The following JMJD7 variants were observed in gnomAD, a reference collection of about 807,000 sequenced individuals.
The protein encoded by JMJD7 is jumonji domain containing 7.
JMJD7 carries 41 observed loss-of-function variants against 41.1 expected under a neutral mutation model. That is an observed-to-expected ratio of 1.00 (90% CI 0.78 to 1.30). JMJD7 has a LOEUF of 1.30. JMJD7 is among the 50% of genes most tolerant of loss of function. JMJD7 has a pLI of 0.00. For missense variants in JMJD7, 480 were observed against 420.7 expected (o/e 1.14, Z -1.23); for synonymous variants, 202 against 177.2 (o/e 1.14, Z -1.11).
Position 41,834,885 on chromosome 15 carries a change from C to G in JMJD7, c.210C>G (p.Pro70=), listed in dbSNP as rs755836769. Residue 70 remains proline, a synonymous_variant, in exon 2 of 8, where the codon CCC becomes CCG. Transcript: ENST00000397299. Reference sequence around the variant, plus strand: ...CGGCCCTCCAGAAGTGGTCCCTCCCCTATTTCAGGTGGGAGCTGCCCTGGG... The same window carrying G: ...CGGCCCTCCAGAAGTGGTCCCTCCCGTATTTCAGGTGGGAGCTGCCCTGGG... ...HWPALQKWSL[P]YFRATVGSTE... is the part of the protein sequence containing the mutation. The G allele has an allele frequency of 1.2e-6, 2 of 1,613,940 alleles. No homozygotes were observed. The highest frequency in any genetic ancestry group is 8.5e-7 in the Non-Finnish European group (1 of 1,179,842).
rs1316065619 is a variant in JMJD7, at chr15:41,835,220, C to G, written c.469C>G (p.Leu157Val). The change falls in exon 3 of 8, where the codon CTG becomes GTG. Residue 157 changes from leucine to valine, a missense_variant. By Grantham distance (32) the Leu-to-Val change is conservative (BLOSUM62 1). Coordinates refer to ENST00000397299, the MANE Select transcript of JMJD7 (RefSeq NM_001114632.2). ...ESHVPWASEA[L>V]GKMPDAVNFW... ...CCATGTGCCCTGGGCCTCCGAAGCCCTGGGTGAGTGGAGGTGGGGTGGTCG... is the reference window on the plus strand; with the variant it reads ...CCATGTGCCCTGGGCCTCCGAAGCCGTGGGTGAGTGGAGGTGGGGTGGTCG... 1.3e-6 allele frequency: 2 copies of G among 1,597,830 alleles called. No individual in the cohort carries two copies. Among genetic ancestry groups the G allele is most frequent in the Non-Finnish European group, 1.7e-6 (2 of 1,179,262 alleles).
At position 41,837,377 on chromosome 15, in the gene JMJD7, G is replaced by A. The variant is rs1207897739; in HGVS notation, c.*221G>A. 2 of 575,814 alleles carry A rather than the reference G, an allele frequency of 3.5e-6. No individual in the cohort carries two copies. Among genetic ancestry groups the A allele is most frequent in the East Asian group, 2.9e-5 (1 of 34,992 alleles). The allele number at this position is 575,814 out of a possible 1,614,324, so 35.7% of individuals were successfully genotyped here. The stretch of plus-strand genomic sequence containing the variant: ...GTTCTCAGGAAGTTGCCACACAGGT[G>A]AGCAGAGTGGGGATCAGGTGCAGCG... On this transcript the variant is annotated 3_prime_UTR_variant, in exon 8 of 8. Coordinates refer to ENST00000397299, the MANE Select transcript of JMJD7 (RefSeq NM_001114632.2).
At chr15:41,829,801 C>T (rs754619350) in intron 1 of JMJD7, among the ~76,000 whole-genome samples, 78 of 152,200 alleles carry the variant, frequency 5.1e-4, no homozygotes, top group Non-Finnish European at 6.2e-4. Flanking sequence ...GTGTGCAGTA[C>T]TCACGCCTGT....
chr15:41,828,561 A>C (rs982573438), intron 1 of JMJD7: 1 of 206,950 alleles, frequency 4.8e-6, no homozygotes, highest in Non-Finnish European at 9.6e-6. Flanking sequence ...GCACTTTGGG[A>C]GGATTGCAGG....
At chr15:41,829,715 TA>T (rs1379291989) in intron 1 of JMJD7, among the ~76,000 whole-genome samples, 1 of 152,186 alleles carries the variant, frequency 6.6e-6, no homozygotes, top group Non-Finnish European at 1.5e-5. Context: ...GGTGAGCAAG[TA>T]AAACAAATCC....
intron 1 of JMJD7, 28 bp from the exon 2 acceptor site, chr15:41,834,712 C>T (rs376279337): frequency 3.1e-6 from 5 of 1,609,784 alleles, no homozygotes; most frequent in Non-Finnish European, 4.2e-6. Flanking sequence ...ATCAGCCCTT[C>T]CATCCCCTGT....
chr15:41,836,510 G>GA lies in JMJD7; in HGVS notation c.662dup (p.Thr223HisfsTer3), dbSNP rs1314364572. On this transcript the variant is annotated frameshift_variant, in exon 6 of 8. Transcript: ENST00000397299. LOFTEE classifies it high-confidence loss of function. ...GCCGGCAACCTACCAGCTAACTGAAGAGGGCACCTTTAAGGTGGTGGATGA... is the reference window on the plus strand; with the variant it reads ...GCCGGCAACCTACCAGCTAACTGAAGAAGGGCACCTTTAAGGTGGTGGATGA... 6.3e-7 allele frequency: 1 copy of GA among 1,593,496 alleles called. No homozygotes were observed. Among genetic ancestry groups the GA allele is most frequent in the South Asian group, 1.1e-5 (1 of 87,646 alleles).
Position 41,834,788 on chromosome 15 carries a change from C to A in JMJD7, c.113C>A (p.Pro38Gln). The change falls in exon 2 of 8, where the codon CCG (proline) becomes CAG (glutamine). Residue 38 changes from proline (P) to glutamine (Q), a missense_variant. Pro to Gln is a moderately conservative substitution (Grantham distance 76). Coordinates refer to ENST00000397299, the MANE Select transcript of JMJD7 (RefSeq NM_001114632.2). ...CCCTACCTGGACAAACCCCCAACTC[C>A]GCTCCACTTCTACCGGGACTGGGTC... ...AVPYLDKPPT[P>Q]LHFYRDWVCP... The A allele has an allele frequency of 6.2e-7, 1 of 1,614,210 alleles. No homozygotes were observed. The highest frequency in any genetic ancestry group is 8.5e-7 in the Non-Finnish European group (1 of 1,180,048).
chr15:41,834,750 G>T lies in JMJD7; in HGVS notation c.75G>T (p.Val25=). Residue 25 remains valine (V), a synonymous_variant, in exon 2 of 8, where the codon GTG becomes GTT. Coordinates refer to ENST00000397299, the MANE Select transcript of JMJD7 (RefSeq NM_001114632.2). Reference sequence around the variant, plus strand: ...TCTTCTTTCTCTCAGAGCTCTGCGTGCCTCTTGCTGTGCCCTACCTGGACA... The same window carrying T: ...TCTTCTTTCTCTCAGAGCTCTGCGTTCCTCTTGCTGTGCCCTACCTGGACA... ...EFPAAARELC[V]PLAVPYLDKP... is the part of the protein sequence containing the mutation. 1 of 1,614,096 alleles carries T rather than the reference G, an allele frequency of 6.2e-7. No homozygotes were observed. Among genetic ancestry groups the T allele is most frequent in the South Asian group, 1.1e-5 (1 of 91,070 alleles).
rs2065291616 is a variant in JMJD7, at chr15:41,835,121, G to C, written c.370G>C (p.Gly124Arg). 1 of 1,611,370 alleles carries C rather than the reference G, an allele frequency of 6.2e-7. No individual in the cohort carries two copies. Among genetic ancestry groups the C allele is most frequent in the Non-Finnish European group, 8.5e-7 (1 of 1,180,028 alleles). ...GCTGGAGGGCCGGGCCCAGCACCCT[G>C]GAGTCCTCTATGTGCAGAAGCAGTG... ...DVLEGRAQHP[G>R]VLYVQKQCSN... The change falls in exon 3 of 8, where the codon GGA becomes CGA. Residue 124 changes from glycine to arginine, a missense_variant. Transcript: ENST00000397299.
rs376080091 is a variant in JMJD7 at position 41,836,810 on chromosome 15, G to A, written c.732G>A (p.Ala244=). 4.3e-5 allele frequency: 70 copies of A among 1,611,194 alleles called. No individual in the cohort carries two copies. Among genetic ancestry groups the A allele is most frequent in the Non-Finnish European group, 5.2e-5 (61 of 1,179,078 alleles). Reference sequence around the variant, plus strand: ...CCTGGATCCCACTGGACCCCTTGGCGCCAGACCTAGCACGGTACCCTAGTT... The same window carrying A: ...CCTGGATCCCACTGGACCCCTTGGCACCAGACCTAGCACGGTACCCTAGTT... The part of the protein sequence containing the change: ...KVPWIPLDPL[A]PDLARYPSYS... Residue 244 remains alanine (A), a synonymous_variant, in exon 7 of 8, where the codon GCG becomes GCA. Coordinates refer to ENST00000397299, the MANE Select transcript of JMJD7 (RefSeq NM_001114632.2).
chr15:41,836,647 C>G, intron 6 of JMJD7, 96 bp downstream of exon 6: 1 of 1,468,568 alleles, frequency 6.8e-7, no homozygotes, highest in Non-Finnish European at 9.0e-7. Context: ...GCACCTTGCT[C>G]TGAAAAGTCT....
intron 1 of JMJD7, among the ~76,000 whole-genome samples, chr15:41,833,407 TATATATA>T (rs1340554667): frequency 5.6e-5 from 3 of 53,514 alleles, no homozygotes; most frequent in African/African-American, 1.9e-4. Context: ...TATATATATA[TATATATA>T]TTTTTTTTTT....
intron 1 of JMJD7, 21 bp downstream of exon 1, chr15:41,828,209 C>T: frequency 6.7e-7 from 1 of 1,500,576 alleles, no homozygotes; most frequent in East Asian, 2.8e-5. Context: ...CTCCCACAGG[C>T]TGCGGCGATT....
rs1567165602 is a variant in JMJD7 at position 41,834,987 on chromosome 15, C to T, written c.236C>T (p.Thr79Ile). ...LPYFRATVGS[T>I]EVSVAVTPDG... ...TCCTCTAGAGCCACAGTGGGCTCCA[C>T]AGAGGTGAGTGTGGCCGTGACCCCA... The change falls in exon 3 of 8, where the codon ACA (threonine) becomes ATA (isoleucine). Residue 79 changes from threonine to isoleucine, a missense_variant. Thr to Ile is a moderately conservative substitution (Grantham distance 89). Coordinates refer to ENST00000397299, the MANE Select transcript of JMJD7 (RefSeq NM_001114632.2). 1 of 1,614,134 alleles carries T rather than the reference C, an allele frequency of 6.2e-7. No homozygotes were observed. Among genetic ancestry groups the T allele is most frequent in the Non-Finnish European group, 8.5e-7 (1 of 1,180,050 alleles).
intron 3 of JMJD7, 131 bp from the exon 4 acceptor site, chr15:41,835,457 C>A: frequency 7.1e-7 from 1 of 1,409,402 alleles, no homozygotes; most frequent in Non-Finnish European, 9.6e-7. Flanking sequence ...ATTTCCCAAC[C>A]TCTGCCTCTT....
In JMJD7 at chr15:41,836,544, T is replaced by C. The variant is rs767777204; in HGVS notation, c.695T>C (p.Met232Thr). The C allele has an allele frequency of 1.3e-6, 2 of 1,583,108 alleles. No homozygotes were observed. Among genetic ancestry groups the C allele is most frequent in the East Asian group, 2.3e-5 (1 of 44,024 alleles). Residue 232 changes from methionine to threonine, a missense_variant, in exon 6 of 8, where the codon ATG (methionine) becomes ACG (threonine). Physicochemically the swap from Met to Thr is moderately conservative, Grantham distance 81 (BLOSUM62 -1). Transcript: ENST00000397299. ...GTFKVVDEEA[M>T]EKVPWIPLDP... ...TTTAAGGTGGTGGATGAAGAGGCCA[T>C]GGAGAAGGTGTCTGTCCTGTTCTTG...
Position 41,836,938 on chromosome 15 carries a change from C to T in JMJD7, c.860C>T (p.Ala287Val). Reference sequence around the variant, plus strand: ...GTCCAGCAGTCCCAGGGCTGCATCGCAGGTGAAGAGTTGCCCAGGCCGCCT... The same window carrying T: ...GTCCAGCAGTCCCAGGGCTGCATCGTAGGTGAAGAGTTGCCCAGGCCGCCT... ...HHVQQSQGCI[A>V]VNFWYDMEYD... Residue 287 changes from alanine (A) to valine (V), a missense_variant and splice_region_variant, in exon 7 of 8, where the codon GCA (alanine) becomes GTA (valine). Coordinates refer to ENST00000397299, the MANE Select transcript of JMJD7 (RefSeq NM_001114632.2). The T allele has an allele frequency of 2.5e-6, 4 of 1,612,800 alleles. No individual in the cohort carries two copies. The highest frequency in any genetic ancestry group is 3.3e-4 in the Middle Eastern group (2 of 6,054).
chr15:41,836,013 C>T, intron 4 of JMJD7, 135 bp from the exon 5 acceptor site: 2 of 925,518 alleles, frequency 2.2e-6, no homozygotes, highest in Non-Finnish European at 3.1e-6. Context: ...CTGGCATCTC[C>T]AGCCCACTGG....
Sources: allele counts gnomAD v4.1 joint callset (sites outside exome capture counted in the v4.1 genomes callset), GRCh38; gene constraint gnomAD v4.1.1; transcripts MANE v1.5; gene names NCBI Gene and HGNC (gene_info 2026-07-23, HGNC 2026-07-21).